DMD: variants seen among roughly 807,000 people sequenced by gnomAD.
DMD encodes mutant dystrophin.
A neutral mutation model predicts 330.1 loss-of-function variants in DMD; 63 were observed. That is an observed-to-expected ratio of 0.19 (90% CI 0.16 to 0.24). DMD has a LOEUF of 0.24. Ranked by LOEUF, DMD falls within the 10% of genes least tolerant of loss-of-function variation. The pLI is 1.00. For synonymous variants in DMD, 1,223 were observed against 959.8 expected (o/e 1.27, Z -5.07); for missense variants, 3,344 against 2,684.1 (o/e 1.25, Z -5.43).
chrX:32,777,479 C>A (rs1259287232), intron 7 of DMD, among the ~76,000 whole-genome samples: 2 of 110,363 alleles, frequency 1.8e-5, no homozygotes, highest in African/African-American at 6.6e-5. Flanking sequence ...ATATCATTTT[C>A]CATGTATTCT....
intron 62 of DMD, among the ~76,000 whole-genome samples, chrX:31,284,412 T>C (rs1469227033): frequency 9.0e-6 from 1 of 111,228 alleles, no homozygotes; most frequent in African/African-American, 3.3e-5. Context: ...ACTTGAAACC[T>C]GGAAGTTCAG....
At chrX:32,232,973 A>G (rs889757246) in intron 43 of DMD, among the ~76,000 whole-genome samples, 1 of 112,474 alleles carries the variant, frequency 8.9e-6, no homozygotes, top group Non-Finnish European at 1.9e-5. Flanking sequence ...CTCACTAGAA[A>G]TGCTTCCTAA....
At chrX:31,481,502 T>C (rs948932129) in intron 57 of DMD, among the ~76,000 whole-genome samples, 1 of 111,601 alleles carries the variant, frequency 9.0e-6, no homozygotes, top group African/African-American at 3.3e-5. Context: ...GGTGACTGAA[T>C]AGATGCTGGA....
At chrX:31,959,982 A>G (rs1302307683) in intron 45 of DMD, among the ~76,000 whole-genome samples, 1 of 108,451 alleles carries the variant, frequency 9.2e-6, no homozygotes, top group African/African-American at 3.4e-5. Context: ...TGGTCTCGAA[A>G]TCCTGACCTC....
chrX:31,394,347 A>G (rs1353982427), intron 60 of DMD, among the ~76,000 whole-genome samples: 1 of 112,568 alleles, frequency 8.9e-6, no homozygotes, highest in African/African-American at 3.2e-5. Context: ...TGTTAGCAGG[A>G]TATCTAATAT....
At chrX:32,180,095 A>T (rs1264905066) in intron 44 of DMD, among the ~76,000 whole-genome samples, 1 of 112,228 alleles carries the variant, frequency 8.9e-6, no homozygotes, top group Non-Finnish European at 1.9e-5. Flanking sequence ...GATGGAGACT[A>T]AGTGCTTAAT....
intron 7 of DMD, among the ~76,000 whole-genome samples, chrX:32,741,269 C>T (rs751886249): frequency 9.0e-6 from 1 of 111,337 alleles, no homozygotes; most frequent in South Asian, 3.8e-4. Flanking sequence ...AGGGCAACAG[C>T]GCTGACATTT....
chrX:33,045,206 G>A (rs779275998), intron 1 of DMD, among the ~76,000 whole-genome samples: 2 of 109,945 alleles, frequency 1.8e-5, no homozygotes, highest in Non-Finnish European at 3.8e-5. Context: ...TAAACCTGAG[G>A]CAATAGGATT....
At chrX:32,514,067 G>A (rs986226235) in intron 18 of DMD, among the ~76,000 whole-genome samples, 7 of 110,373 alleles carry the variant, frequency 6.3e-5, no homozygotes, top group East Asian at 2.9e-4. Flanking sequence ...AAACACAACC[G>A]GTTTAAAAGC....
At chrX:32,560,849 T>C (rs1482530144) in intron 16 of DMD, among the ~76,000 whole-genome samples, 1 of 112,022 alleles carries the variant, frequency 8.9e-6, no homozygotes, top group East Asian at 2.8e-4. Flanking sequence ...TTGATGGGCA[T>C]TTGGGTTGAT....
At chrX:32,602,917 A>C (rs2056349079) in intron 12 of DMD, among the ~76,000 whole-genome samples, 1 of 111,446 alleles carries the variant, frequency 9.0e-6, no homozygotes, top group Non-Finnish European at 1.9e-5. Flanking sequence ...CAAAGTTAAA[A>C]TCAGAATCTA....
At chrX:31,766,934 C>T (rs1261334571) in intron 51 of DMD, among the ~76,000 whole-genome samples, 1 of 104,309 alleles carries the variant, frequency 9.6e-6, no homozygotes, top group Non-Finnish European at 2.0e-5. Context: ...ATTTAAGGGG[C>T]GGTTTATTTT....
At chrX:33,305,198 A>C (rs1448191423) in intron 1 of DMD, among the ~76,000 whole-genome samples, 1 of 106,181 alleles carries the variant, frequency 9.4e-6, no homozygotes, top group Non-Finnish European at 2.0e-5. Flanking sequence ...CTGGATTAAG[A>C]AAATGTGGCA....
At chrX:32,638,107 C>T (rs1056115475) in intron 11 of DMD, among the ~76,000 whole-genome samples, 4 of 111,585 alleles carry the variant, frequency 3.6e-5, no homozygotes, top group Non-Finnish European at 7.5e-5. Flanking sequence ...GCAACCTAAC[C>T]GAATGTCACG....
At chrX:31,472,428 T>G (rs2149221857) in intron 59 of DMD, among the ~76,000 whole-genome samples, 1 of 112,573 alleles carries the variant, frequency 8.9e-6, no homozygotes, top group South Asian at 3.6e-4. Context: ...GAACCAAGGT[T>G]AAGAAGAGAA....
intron 60 of DMD, among the ~76,000 whole-genome samples, chrX:31,442,556 A>C (rs1021571634): frequency 8.1e-5 from 9 of 111,023 alleles, no homozygotes; most frequent in African/African-American, 1.3e-4. Context: ...AAAAAAAAAA[A>C]AACTTTTCTT....
chrX:32,125,393 A>G (rs761492035), intron 44 of DMD, among the ~76,000 whole-genome samples: 1 of 111,884 alleles, frequency 8.9e-6, no homozygotes, highest in Non-Finnish European at 1.9e-5. Context: ...GGATAGTGTC[A>G]TTCACTGGGA....
Position 33,295,646 on chromosome X carries a change from A to G in DMD, c.7+43613T>C, listed in dbSNP as rs747851891. ...TAGTAAAAATAAAGCCTTGTTCTAA[A>G]CAAATTCAGAAACAAACACAGAGAC... On this transcript the variant is annotated intron_variant, in intron 1 of 17. Coordinates refer to the DMD transcript ENST00000288447. Among the ~76,000 whole-genome samples the G allele has an allele frequency of 8.1e-5, 9 of 111,730 alleles. No individual in the cohort carries two copies. The South Asian group carries it at 3.3e-3, about 41-fold the overall frequency.
chrX:31,474,245 C>T (rs1280196037), intron 59 of DMD, among the ~76,000 whole-genome samples: 2 of 111,493 alleles, frequency 1.8e-5, no homozygotes, highest in Non-Finnish European at 1.9e-5. Context: ...TCTTTAAATC[C>T]AAAAGCCACA....
Sources: gnomAD v4.1 joint callset for allele counts (sites outside exome capture counted in the v4.1 genomes callset) on GRCh38, gnomAD v4.1.1 for gene constraint, MANE v1.5 for transcripts, NCBI Gene and HGNC (gene_info 2026-07-23, HGNC 2026-07-21) for gene names.